The following LYN variants were observed in gnomAD, a reference collection of about 807,000 sequenced individuals.
LYN encodes the protein LYN proto-oncogene, Src family tyrosine kinase, also known as tyrosine-protein kinase Lyn.
LYN carries 12 observed loss-of-function variants against 65.0 expected under a neutral mutation model. That is an observed-to-expected ratio of 0.18 (90% confidence interval 0.12 to 0.30). The LOEUF (loss-of-function observed/expected upper bound fraction) is 0.30. Among genes scored for constraint, LYN ranks in the 10% least tolerant of loss-of-function variants. LYN has a pLI of 1.00. For synonymous variants in LYN, 222 were observed against 221.2 expected (o/e 1.00, Z -0.03); for missense variants, 380 against 623.2 (o/e 0.61, Z 4.16).
At chr8:55,883,572 A>G (rs1804705206) in intron 1 of LYN, among the ~76,000 whole-genome samples, 1 of 152,198 alleles carries the variant, frequency 6.6e-6, no homozygotes, top group Non-Finnish European at 1.5e-5. Context: ...AATGGTTAAT[A>G]CAGAAGTACC....
At chr8:55,933,519 A>G (rs1806328610) in intron 1 of LYN, among the ~76,000 whole-genome samples, 1 of 152,238 alleles carries the variant, frequency 6.6e-6, no homozygotes, top group South Asian at 2.1e-4. Context: ...GTACATTCTA[A>G]CGGAGTTTAA....
At chr8:55,934,921 C>A (rs1806382871) in intron 1 of LYN, among the ~76,000 whole-genome samples, 1 of 152,208 alleles carries the variant, frequency 6.6e-6, no homozygotes, top group South Asian at 2.1e-4. Context: ...ATCATATCCT[C>A]CTCCCTTCTA....
At chr8:55,947,097 A>C (rs1385613307) in intron 3 of LYN, among the ~76,000 whole-genome samples, 1 of 152,162 alleles carries the variant, frequency 6.6e-6, no homozygotes, top group Non-Finnish European at 1.5e-5. Context: ...AAAACACAAA[A>C]AATTAGCCAG....
chr8:55,989,569 A>G (rs1047186033), intron 10 of LYN, among the ~76,000 whole-genome samples: 1 of 152,238 alleles, frequency 6.6e-6, no homozygotes, highest in Non-Finnish European at 1.5e-5. Flanking sequence ...CTCCCCATTC[A>G]GGAAATAGCA....
At chr8:55,924,360 C>T (rs1231653426) in intron 1 of LYN, among the ~76,000 whole-genome samples, 2 of 149,550 alleles carry the variant, frequency 1.3e-5, no homozygotes, top group African/African-American at 5.0e-5. Context: ...TTGGCATCCT[C>T]ATTTTTTTTT....
rs1259459724 is a variant in LYN at position 56,013,589 on chromosome 8, A to G, written c.*3479A>G. 1 of 152,092 alleles carries G rather than the reference A, an allele frequency of 6.6e-6. No homozygotes were observed. Among genetic ancestry groups the G allele is most frequent in the Non-Finnish European group, 1.5e-5 (1 of 68,070 alleles). The allele number at this position is 152,092 out of a possible 1,614,324, so 9.4% of individuals were successfully genotyped here. A position where few individuals can be genotyped will look rare whatever the true frequency, so the allele number is the denominator to read the frequency against. ...CCCGGTCGGGGTCTGCTTTCTCTTT[A>G]TTCCCCGTCCTCTCACAAACTACAT... On this transcript the variant is annotated 3_prime_UTR_variant, in exon 13 of 13. Transcript: ENST00000519728.
chr8:55,919,078 G>T (rs944005586), intron 1 of LYN, among the ~76,000 whole-genome samples: 1 of 150,646 alleles, frequency 6.6e-6, no homozygotes, highest in East Asian at 1.9e-4. Context: ...CGACAGGCAG[G>T]ACTGTTGAAT....
intron 8 of LYN, among the ~76,000 whole-genome samples, chr8:55,961,926 T>G (rs575320479): frequency 7.4e-6 from 1 of 135,518 alleles, no homozygotes; most frequent in South Asian, 2.6e-4. Context: ...TATTCCGACC[T>G]TCCTGATGGT....
chr8:55,909,396 G>A (rs1212510764), intron 1 of LYN, among the ~76,000 whole-genome samples: 1 of 152,126 alleles, frequency 6.6e-6, no homozygotes. Flanking sequence ...GCTGCCATAG[G>A]TTCCACCTGA....
chr8:55,948,674 C>T (rs1806853183), intron 4 of LYN, among the ~76,000 whole-genome samples: 1 of 152,182 alleles, frequency 6.6e-6, no homozygotes, highest in Non-Finnish European at 1.5e-5. Context: ...GGGAGACTCC[C>T]TTATTAAGGA....
chr8:56,010,351 C>G lies in LYN; in HGVS notation c.*241C>G. 1 of 497,142 alleles carries G rather than the reference C, an allele frequency of 2.0e-6. No homozygotes were observed. The highest frequency in any genetic ancestry group is 2.2e-5 in the South Asian group (1 of 46,184). The allele number at this position is 497,142 out of a possible 1,614,324, so 30.8% of individuals were successfully genotyped here. A position where few individuals can be genotyped will look rare whatever the true frequency, so the allele number is the denominator to read the frequency against. ...GTCCTCAGCAGCTGGTAATCTTGCT[C>G]TGCTTGACAACATCTGAGTGCAGCC... is the stretch of plus-strand genomic sequence containing the variant. On this transcript the variant is annotated 3_prime_UTR_variant, in exon 13 of 13. Coordinates refer to ENST00000519728, the MANE Select transcript of LYN (RefSeq NM_002350.4).
chr8:55,943,875 G>A (rs1461539012), intron 2 of LYN, among the ~76,000 whole-genome samples: 1 of 151,992 alleles, frequency 6.6e-6, no homozygotes, highest in East Asian at 1.9e-4. Context: ...CTGAGGTCAG[G>A]AGTTCAAGAC....
chr8:56,002,238 T>C (rs2130590312), intron 12 of LYN, among the ~76,000 whole-genome samples: 1 of 151,994 alleles, frequency 6.6e-6, no homozygotes, highest in South Asian at 2.1e-4. Context: ...GCTAATATGG[T>C]GAAACCCCAT....
chr8:55,973,572 TTCCTTCACCAGAAGCTGAGA>T (rs1448132017), intron 10 of LYN, among the ~76,000 whole-genome samples: 1 of 152,222 alleles, frequency 6.6e-6, no homozygotes, highest in Non-Finnish European at 1.5e-5. Context: ...CAGTGGGGAT[TTCCTTCACCAGAAGCTGAGA>T]TGGAATCATA....
chr8:55,947,524 T>C, intron 3 of LYN, 94 bp from the exon 4 acceptor site: 1 of 868,798 alleles, frequency 1.2e-6, no homozygotes, highest in Non-Finnish European at 1.9e-6. Flanking sequence ...TTGCCCCCTC[T>C]TAGTGCTTCC....
intron 1 of LYN, among the ~76,000 whole-genome samples, chr8:55,928,256 A>G (rs983509178): frequency 6.6e-6 from 1 of 152,118 alleles, no homozygotes; most frequent in Non-Finnish European, 1.5e-5. Context: ...AGTGATTCTC[A>G]TGCTTCACCC....
intron 1 of LYN, among the ~76,000 whole-genome samples, chr8:55,880,738 C>T (rs7831638): frequency 0.033 from 5,056 of 152,318 alleles, 240 homozygotes; most frequent in South Asian, 0.14. Flanking sequence ...GAGGAGCAGT[C>T]CGGTGCTTTT....
rs146696606 is a variant in LYN at position 55,915,268 on chromosome 8, C to T, written c.-5-26587C>T. Among the ~76,000 whole-genome samples the T allele has an allele frequency of 3.7e-3, 562 of 152,230 alleles. 4 individuals are homozygous for T. The highest frequency in any genetic ancestry group is 0.017 in the Middle Eastern group (5 of 294). On this transcript the variant is annotated intron_variant, in intron 1 of 12. Coordinates refer to ENST00000519728, the MANE Select transcript of LYN (RefSeq NM_002350.4). Reference sequence around the variant, plus strand: ...CCTGATGTCTTGTGAACATACACACCGCAATTCCAGATACCATTAAGCCTC... The same window carrying T: ...CCTGATGTCTTGTGAACATACACACTGCAATTCCAGATACCATTAAGCCTC...
At chr8:55,956,965 C>T (rs1015168739) in intron 8 of LYN, among the ~76,000 whole-genome samples, 1 of 152,204 alleles carries the variant, frequency 6.6e-6, no homozygotes, top group Non-Finnish European at 1.5e-5. Flanking sequence ...CTCACTTACT[C>T]ATTGCTGTAG....
Sources: allele counts gnomAD v4.1 joint callset (sites outside exome capture counted in the v4.1 genomes callset), GRCh38; gene constraint gnomAD v4.1.1; transcripts MANE v1.5; gene names NCBI Gene and HGNC (gene_info 2026-07-23, HGNC 2026-07-21).